Variants in MEGF6 observed in about 807,000 individuals in gnomAD.
The protein encoded by MEGF6 is multiple epidermal growth factor-like domains protein 6.
MEGF6 carries 184 observed loss-of-function variants against 207.1 expected under a neutral mutation model. The ratio of observed to expected loss-of-function variants is 0.89; its 90% CI spans 0.79 to 1.00. The LOEUF is 1.00. Ranked by LOEUF, MEGF6 falls within the 50% of genes least tolerant of loss-of-function variation. The pLI is 0.00. For missense variants in MEGF6, 2,282 were observed against 2,202.9 expected (o/e 1.04, Z -0.72); for synonymous variants, 1,038 against 910.0 (o/e 1.14, Z -2.53).
At chr1:3,528,424 C>T (rs1049746598) in intron 4 of MEGF6, among the ~76,000 whole-genome samples, 2 of 152,194 alleles carry the variant, frequency 1.3e-5, no homozygotes, top group African/African-American at 2.4e-5. Context: ...GAGCCGTAGG[C>T]GCAGTGGCCT....
chr1:3,570,061 T>C (rs1643452453), intron 4 of MEGF6, among the ~76,000 whole-genome samples: 3 of 152,054 alleles, frequency 2.0e-5, no homozygotes, highest in Admixed American at 6.5e-5. Flanking sequence ...AGTCAGCCCT[T>C]TGAAAGACAG....
In MEGF6 at chr1:3,510,883, G is replaced by A. The variant is rs768750810; in HGVS notation, c.1134C>T (p.Asp378=). 3.1e-6 allele frequency: 5 copies of A among 1,608,338 alleles called. No individual in the cohort carries two copies. The highest frequency in any genetic ancestry group is 1.7e-4 in the Middle Eastern group (1 of 6,042). ...RTCIDVDDCA[D]SPCCQQVCTN... ...TGCACACCTGCTGGCAGCACGGGCT[G>A]TCTGCACAGTCGTCGACATCTGTGG... The change falls in exon 10 of 37, where the codon GAC becomes GAT. Residue 378 remains aspartate (D), a synonymous_variant. Transcript: ENST00000356575.
intron 4 of MEGF6, among the ~76,000 whole-genome samples, chr1:3,540,689 A>G (rs1036836937): frequency 1.3e-5 from 2 of 152,120 alleles, no homozygotes; most frequent in African/African-American, 2.4e-5. Context: ...AGCCCTCTGG[A>G]TCCTCCAGGG....
rs1643158093 is a variant in MEGF6 at position 3,560,200 on chromosome 1, GAC to G, written c.481+19623_481+19624del. 6.6e-6 allele frequency among the ~76,000 whole-genome samples: 1 copy of G among 151,904 alleles called. No homozygotes were observed. The highest frequency in any genetic ancestry group is 2.1e-4 in the South Asian group (1 of 4,816). On this transcript the variant is annotated intron_variant, in intron 4 of 36. Transcript: ENST00000356575. This position sits in a 1 kb window ranked among gnomAD's most constrained non-coding sequence, Gnocchi z 4.0. Reference sequence around the variant, plus strand: ...CACTTTTAGGCTTATGGAAAAACTGGACAGAAAGTACAGAGTTTCCTTCTCCC... The same window carrying G: ...CACTTTTAGGCTTATGGAAAAACTGGAGAAAGTACAGAGTTTCCTTCTCCC...
At chr1:3,577,878 G>C (rs891126884) in intron 4 of MEGF6, among the ~76,000 whole-genome samples, 1 of 152,174 alleles carries the variant, frequency 6.6e-6, no homozygotes, top group African/African-American at 2.4e-5. Flanking sequence ...CTCGCCCCAC[G>C]CTGGACACTG....
At chr1:3,619,116 G>GTC in the MEGF6 span, among the ~76,000 whole-genome samples, 1 of 151,972 alleles carries the variant, frequency 6.6e-6, no homozygotes, top group Admixed American at 6.5e-5. Context: ...ATGACTTCAT[G>GTC]TAGGGCCTGA....
chr1:3,550,229 C>G (rs1421555525), intron 4 of MEGF6, among the ~76,000 whole-genome samples: 1 of 152,190 alleles, frequency 6.6e-6, no homozygotes, highest in Non-Finnish European at 1.5e-5. Context: ...TGTGTGCACA[C>G]GCTCACAGCA....
rs1407606017 is a variant in MEGF6 at position 3,573,019 on chromosome 1, TTC to T, written c.481+6804_481+6805del. ...CTGGGTCTTTCCTGGGTGTGCTGGG[TTC>T]TCCTGGGTATGCTGAGTTCTCTTGG... On this transcript the variant is annotated intron_variant, in intron 4 of 36. Coordinates refer to ENST00000356575, the MANE Select transcript of MEGF6 (RefSeq NM_001409.4). This position sits in a 1 kb window ranked among gnomAD's most constrained non-coding sequence, Gnocchi z 5.1. 2.7e-5 allele frequency among the ~76,000 whole-genome samples: 4 copies of T among 147,326 alleles called. No individual in the cohort carries two copies. The highest frequency in any genetic ancestry group is 6.0e-5 in the Non-Finnish European group (4 of 66,914).
At chr1:3,582,092 G>A (rs1350247899) in intron 3 of MEGF6, among the ~76,000 whole-genome samples, 4 of 152,204 alleles carry the variant, frequency 2.6e-5, no homozygotes, top group Non-Finnish European at 2.9e-5. Context: ...AGGGGCACAC[G>A]GACCCTACCA....
chr1:3,576,606 G>A (rs1450569536), intron 4 of MEGF6, among the ~76,000 whole-genome samples: 1 of 151,970 alleles, frequency 6.6e-6, no homozygotes, highest in East Asian at 1.9e-4. Context: ...GAGCACTATG[G>A]GCAGGGGCTA....
rs1464370387 is a variant in MEGF6, at chr1:3,531,131, A to G, written c.482-6885T>C. The G allele has an allele frequency of 2.0e-6, 3 of 1,529,816 alleles. No individual in the cohort carries two copies. In the Admixed American group the frequency reaches 6.1e-5, roughly 31 times the overall value. The allele number at this position is 1,529,816 out of a possible 1,614,324, so 94.8% of individuals were successfully genotyped here. On this transcript the variant is annotated intron_variant, in intron 4 of 36. Coordinates refer to ENST00000356575, the MANE Select transcript of MEGF6 (RefSeq NM_001409.4). ...GGGTAGCCGGCCTGGCCCAGGTGAC[A>G]TGGGTAGCAGCCCCTCCAGAGGTAG...
At chr1:3,579,977 G>A in intron 3 of MEGF6, 48 bp from the exon 4 acceptor site, 16 of 1,364,982 alleles carry the variant, frequency 1.2e-5, no homozygotes, top group Non-Finnish European at 1.6e-5. Context: ...GAGGGGTGAG[G>A]CAGGGGGAGG....
intron 3 of MEGF6, among the ~76,000 whole-genome samples, chr1:3,592,057 G>A (rs1643988372): frequency 6.6e-6 from 1 of 152,184 alleles, no homozygotes; most frequent in Non-Finnish European, 1.5e-5. Context: ...CAGGGTCCCT[G>A]AGGCCACCCA....
chr1:3,605,976 C>T (rs549169140), intron 1 of MEGF6, among the ~76,000 whole-genome samples: 76 of 152,352 alleles, frequency 5.0e-4, no homozygotes, highest in Non-Finnish European at 8.7e-4. Flanking sequence ...CAACCCCTCC[C>T]GGGACAGTGC....
chr1:3,559,653 A>C (rs985776358), intron 4 of MEGF6, among the ~76,000 whole-genome samples: 22 of 152,060 alleles, frequency 1.4e-4, no homozygotes, highest in African/African-American at 4.8e-4. Flanking sequence ...GCGCAGAGCC[A>C]TCCTCTGCGG....
the MEGF6 span, among the ~76,000 whole-genome samples, chr1:3,621,516 T>G: frequency 6.6e-6 from 1 of 152,266 alleles, no homozygotes; most frequent in Admixed American, 6.5e-5. Context: ...TGATTAATGA[T>G]ATTTACATAT....
chr1:3,498,621 G>A, intron 25 of MEGF6, 77 bp downstream of exon 25: 10 of 1,489,646 alleles, frequency 6.7e-6, no homozygotes, highest in Non-Finnish European at 8.1e-6. Context: ...CCCTGACCTG[G>A]GAGCCCTCCT....
intron 4 of MEGF6, among the ~76,000 whole-genome samples, chr1:3,544,559 GC>G (rs1208624202): frequency 6.6e-6 from 1 of 152,130 alleles, no homozygotes; most frequent in Non-Finnish European, 1.5e-5. Context: ...GCTGGAACAG[GC>G]CCCGACACCA....
At chr1:3,532,741 G>A (rs1642216783) in intron 4 of MEGF6, among the ~76,000 whole-genome samples, 1 of 152,198 alleles carries the variant, frequency 6.6e-6, no homozygotes, top group Admixed American at 6.5e-5. Context: ...ATGCTCCCTG[G>A]GCCAGCAGGC....
Sources: gnomAD v4.1 joint callset for allele counts (sites outside exome capture counted in the v4.1 genomes callset) on GRCh38, gnomAD v4.1.1 for gene constraint, Gnocchi (gnomAD v3.1) non-coding constraint, MANE v1.5 for transcripts, NCBI Gene and HGNC (gene_info 2026-07-23, HGNC 2026-07-21) for gene names.